Variants in TEPSIN observed in about 807,000 individuals in gnomAD.
TEPSIN encodes the protein AP-4 complex accessory subunit tepsin.
Under a neutral mutation model 48.5 loss-of-function variants are expected in TEPSIN, and 50 were observed. The ratio of observed to expected loss-of-function variants is 1.03; its 90% CI spans 0.82 to 1.31. TEPSIN has a LOEUF of 1.31. Ranked by LOEUF, TEPSIN falls within the 50% of genes most tolerant of loss-of-function variation. The pLI is 0.00. For synonymous variants in TEPSIN, 392 were observed against 358.8 expected (o/e 1.09, Z -1.05); for missense variants, 838 against 815.9 (o/e 1.03, Z -0.33).
rs537851359 is a variant in TEPSIN at position 81,230,147 on chromosome 17, A to G, written c.1233+397T>C. The G allele has an allele frequency of 4.8e-6, 1 of 209,196 alleles. No individual in the cohort carries two copies. Among genetic ancestry groups the G allele is most frequent in the African/African-American group, 2.3e-5 (1 of 42,708 alleles). The allele number at this position is 209,196 out of a possible 1,614,324, so 13.0% of individuals were successfully genotyped here. A position where few individuals can be genotyped will look rare whatever the true frequency, so the allele number is the denominator to read the frequency against. ...TGTTCAAGTGCACAGAGATGAATGG[A>G]ACCATTTCTGCCCTCCGGAGCTTGG... On this transcript the variant is annotated intron_variant, in intron 12 of 12. Coordinates refer to ENST00000637944, the MANE Select transcript of TEPSIN (RefSeq NM_001363764.2). The surrounding 1 kb of genome is among the most constrained non-coding windows in gnomAD (Gnocchi z 4.2).
intron 11 of TEPSIN, chr17:81,231,057 G>C (rs1052989591): frequency 1.2e-5 from 6 of 489,410 alleles, no homozygotes; most frequent in South Asian, 2.8e-5. Context: ...ACGCACACAC[G>C]TGTCCACACT....
intron 1 of TEPSIN, chr17:81,238,045 C>T: frequency 2.0e-6 from 2 of 992,982 alleles, no homozygotes; most frequent in Non-Finnish European, 2.4e-6. Flanking sequence ...ACTGGAACCA[C>T]CCATTCTTGC....
chr17:81,237,160 G>T, intron 2 of TEPSIN, 89 bp from the exon 3 acceptor site: 5 of 1,383,130 alleles, frequency 3.6e-6, no homozygotes, highest in Non-Finnish European at 5.0e-6. Flanking sequence ...CTCAGTTCAC[G>T]CTCCCTGGAG....
rs1017408177 is a variant in TEPSIN, at chr17:81,232,588, G to T, written c.527-70C>A. The T allele has an allele frequency of 1.0e-4, 141 of 1,408,962 alleles. No individual in the cohort carries two copies. In the Middle Eastern group the frequency reaches 1.0e-3, roughly 10 times the overall value. The allele number at this position is 1,408,962 out of a possible 1,614,324, so 87.3% of individuals were successfully genotyped here. A position where few individuals can be genotyped will look rare whatever the true frequency, so the allele number is the denominator to read the frequency against. Reference sequence around the variant, plus strand: ...CCCACCCGCGTTCTCTGGGAGCAGGGTGCCCGCATCGGCTCCCTGCTCAAG... The same window carrying T: ...CCCACCCGCGTTCTCTGGGAGCAGGTTGCCCGCATCGGCTCCCTGCTCAAG... On this transcript the variant is annotated intron_variant, in intron 7 of 12. Transcript: ENST00000637944.
At position 81,233,919 on chromosome 17, in the gene TEPSIN, C is replaced by T; in HGVS notation, c.375+62G>A. On this transcript the variant is annotated intron_variant, in intron 5 of 12. Coordinates refer to ENST00000637944, the MANE Select transcript of TEPSIN (RefSeq NM_001363764.2). This position sits in a 1 kb window ranked among gnomAD's most constrained non-coding sequence, Gnocchi z 5.8. ...AAACCCCCCAGCTGACATCCTGGCC[C>T]CAATCCCACCCCTCTACAGGAGGAG... The T allele has an allele frequency of 6.5e-7, 1 of 1,534,086 alleles. No homozygotes were observed. The highest frequency in any genetic ancestry group is 8.8e-7 in the Non-Finnish European group (1 of 1,141,804).
chr17:81,238,499 C>T (rs996097556), intron 1 of TEPSIN: 11 of 602,820 alleles, frequency 1.8e-5, no homozygotes, highest in Admixed American at 6.3e-5. Flanking sequence ...AGAGGGTTTA[C>T]TAAGAGGGGC....
At position 81,230,284 on chromosome 17, in the gene TEPSIN, C is replaced by T. The variant is rs1057343682; in HGVS notation, c.1233+260G>A. ...CACAAGGGCAGGAACATTAAGGCAG[C>T]GGAGTCTGGGGGCTTCCAGGAATAG... On this transcript the variant is annotated intron_variant, in intron 12 of 12. Transcript: ENST00000637944. This position sits in a 1 kb window ranked among gnomAD's most constrained non-coding sequence, Gnocchi z 4.2. 24 of 495,912 alleles carry T rather than the reference C, an allele frequency of 4.8e-5. No individual in the cohort carries two copies. Among genetic ancestry groups the T allele is most frequent in the African/African-American group, 8.1e-5 (4 of 49,252 alleles). The allele number at this position is 495,912 out of a possible 1,614,324, so 30.7% of individuals were successfully genotyped here.
At chr17:81,235,175 C>T (rs950196855) in intron 4 of TEPSIN, among the ~76,000 whole-genome samples, 1 of 152,220 alleles carries the variant, frequency 6.6e-6, no homozygotes, top group Non-Finnish European at 1.5e-5. Context: ...CTGATAAGCC[C>T]TCTCATCCTA....
Position 81,232,024 on chromosome 17 carries a change from G to A in TEPSIN, c.731-3C>T, listed in dbSNP as rs748971663. 4.7e-5 allele frequency: 76 copies of A among 1,605,870 alleles called. No homozygotes were observed. The highest frequency in any genetic ancestry group is 6.6e-5 in the South Asian group (6 of 91,062). On this transcript the variant is annotated splice_region_variant and splice_polypyrimidine_tract_variant and intron_variant, in intron 8 of 12. Transcript: ENST00000637944. Reference sequence around the variant, plus strand: ...CTGCCCAGGCTGATGCCTCACAGCTGGAGGAAACAGGACAGCCGGTGAGAT... The same window carrying A: ...CTGCCCAGGCTGATGCCTCACAGCTAGAGGAAACAGGACAGCCGGTGAGAT...
At position 81,238,997 on chromosome 17, in the gene TEPSIN, AGCTCAG is replaced by A; in HGVS notation, c.31_36del (p.Leu11_Ser12del). On this transcript the variant is annotated inframe_deletion, in exon 1 of 13. Transcript: ENST00000637944. ...CCGCCCTCACTCACCCGGTGTAGAA[AGCTCAG>A]GCGGTCCCGTAGCGGCGGCGCGGCA... 2 of 1,485,190 alleles carry A rather than the reference AGCTCAG, an allele frequency of 1.3e-6. No homozygotes were observed. The highest frequency in any genetic ancestry group is 1.8e-6 in the Non-Finnish European group (2 of 1,123,172). The allele number at this position is 1,485,190 out of a possible 1,614,324, so 92.0% of individuals were successfully genotyped here.
Position 81,233,611 on chromosome 17 carries a change from C to A in TEPSIN, c.454+27G>T. On this transcript the variant is annotated intron_variant, in intron 6 of 12. Coordinates refer to ENST00000637944, the MANE Select transcript of TEPSIN (RefSeq NM_001363764.2). This position sits in a 1 kb window ranked among gnomAD's most constrained non-coding sequence, Gnocchi z 5.8. ...AGGAGGCAGAAACCAGGTGCCAGAG[C>A]TGGACACGGTCCCCTCAGTCACCTA... The A allele has an allele frequency of 6.3e-7, 1 of 1,584,180 alleles. No homozygotes were observed. Among genetic ancestry groups the A allele is most frequent in the Non-Finnish European group, 8.6e-7 (1 of 1,165,822 alleles).
At position 81,233,367 on chromosome 17, in the gene TEPSIN, C is replaced by T. The variant is rs2062657543; in HGVS notation, c.526+65G>A. The T allele has an allele frequency of 1.3e-6, 2 of 1,569,444 alleles. No individual in the cohort carries two copies. The highest frequency in any genetic ancestry group is 2.3e-5 in the South Asian group (2 of 86,768). On this transcript the variant is annotated intron_variant, in intron 7 of 12. Coordinates refer to ENST00000637944, the MANE Select transcript of TEPSIN (RefSeq NM_001363764.2). This position sits in a 1 kb window ranked among gnomAD's most constrained non-coding sequence, Gnocchi z 5.8. The stretch of plus-strand genomic sequence containing the variant: ...TACTAGATGGGGCGGCATGGTCCGG[C>T]CCCCACCACCTCCTCATCCCCACAC...
intron 4 of TEPSIN, among the ~76,000 whole-genome samples, chr17:81,235,095 G>T (rs909868889): frequency 1.5e-4 from 23 of 152,048 alleles, no homozygotes; most frequent in African/African-American, 5.6e-4. Flanking sequence ...AAAGATGCCT[G>T]CCCCAAGATA....
chr17:81,236,850 C>G (rs1347648541), intron 3 of TEPSIN, 49 bp from the exon 4 acceptor site: 2 of 1,545,634 alleles, frequency 1.3e-6, no homozygotes, highest in South Asian at 1.2e-5. Context: ...ACACGGGACA[C>G]CCAGGGCAGG....
chr17:81,230,421 T>C lies in TEPSIN; in HGVS notation c.1233+123A>G. 7.2e-7 allele frequency: 1 copy of C among 1,390,202 alleles called. No homozygotes were observed. The highest frequency in any genetic ancestry group is 9.7e-7 in the Non-Finnish European group (1 of 1,032,064). 86.1% of individuals were successfully genotyped at this position (1,390,202 alleles called of 1,614,324 possible). A position where few individuals can be genotyped will look rare whatever the true frequency, so the allele number is the denominator to read the frequency against. On this transcript the variant is annotated intron_variant, in intron 12 of 12. Coordinates refer to ENST00000637944, the MANE Select transcript of TEPSIN (RefSeq NM_001363764.2). This position sits in a 1 kb window ranked among gnomAD's most constrained non-coding sequence, Gnocchi z 4.2. ...CTCCCTCTGCCAGCGGGACAGGGAC[T>C]TGAGAGGGGGTCCGGGAAGGGCTGA...
At position 81,232,021 on chromosome 17, in the gene TEPSIN, GCT is replaced by G; in HGVS notation, c.731-2_731-1del. ...GGCCTGCCCAGGCTGATGCCTCACA[GCT>G]GGAGGAAACAGGACAGCCGGTGAGA... is the stretch of plus-strand genomic sequence containing the variant. On this transcript the variant is annotated splice_acceptor_variant, in intron 8 of 12. Transcript: ENST00000637944. LOFTEE classifies it high-confidence loss of function. The G allele has an allele frequency of 6.2e-7, 1 of 1,607,322 alleles. No homozygotes were observed. Among genetic ancestry groups the G allele is most frequent in the Non-Finnish European group, 8.5e-7 (1 of 1,179,448 alleles).
Position 81,229,454 on chromosome 17 carries a change from G to A in TEPSIN, c.1256C>T (p.Ser419Phe). 2 of 1,549,534 alleles carry A rather than the reference G, an allele frequency of 1.3e-6. No individual in the cohort carries two copies. Among genetic ancestry groups the A allele is most frequent in the Non-Finnish European group, 1.7e-6 (2 of 1,146,650 alleles). The change falls in exon 13 of 13, where the codon TCC becomes TTC. Residue 419 changes from serine to phenylalanine, a missense_variant. By Grantham distance (155) the Ser-to-Phe change is radical. Coordinates refer to ENST00000637944, the MANE Select transcript of TEPSIN (RefSeq NM_001363764.2). ...CCGGGCAGGGGACAGCTGCCCACAG[G>A]AGGCCTCAAAGTGCCTCAGGATCTG... ...ATKILRHFEA[S>F]CGQLSPARGT...
chr17:81,237,577 A>G, intron 1 of TEPSIN, 118 bp from the exon 2 acceptor site: 2 of 1,047,670 alleles, frequency 1.9e-6, no homozygotes, highest in African/African-American at 1.6e-5. Flanking sequence ...GGCCGGAGAG[A>G]GGACTGGGAA....
rs2062564586 is a variant in TEPSIN at position 81,230,326 on chromosome 17, TGTGAGTG to T, written c.1233+211_1233+217del. 2.1e-6 allele frequency: 1 copy of T among 471,418 alleles called. No individual in the cohort carries two copies. The highest frequency in any genetic ancestry group is 3.8e-5 in the Admixed American group (1 of 26,202). 29.2% of individuals were successfully genotyped at this position (471,418 alleles called of 1,614,324 possible). A position where few individuals can be genotyped will look rare whatever the true frequency, so the allele number is the denominator to read the frequency against. On this transcript the variant is annotated intron_variant, in intron 12 of 12. Coordinates refer to ENST00000637944, the MANE Select transcript of TEPSIN (RefSeq NM_001363764.2). This position sits in a 1 kb window ranked among gnomAD's most constrained non-coding sequence, Gnocchi z 4.2. ...CAGGAATAGGTAGAGGCCAGTGTAC[TGTGAGTG>T]CTGCAGAGTTTGGGTGGAAGGCGGG... is the stretch of plus-strand genomic sequence containing the variant.
Sources: allele counts gnomAD v4.1 joint callset (sites outside exome capture counted in the v4.1 genomes callset), GRCh38; gene constraint gnomAD v4.1.1; non-coding constraint Gnocchi (gnomAD v3.1); transcripts MANE v1.5; gene names NCBI Gene and HGNC (gene_info 2026-07-23, HGNC 2026-07-21).